C20orf96: variants seen among roughly 807,000 people sequenced by gnomAD.
The protein encoded by C20orf96 is chromosome 20 open reading frame 96, also known as uncharacterized protein C20orf96.
C20orf96 carries 57 observed loss-of-function variants against 52.6 expected under a neutral mutation model. The ratio of observed to expected loss-of-function variants is 1.08; its 90% CI spans 0.88 to 1.35. C20orf96 has a LOEUF of 1.35. Among genes scored for constraint, C20orf96 ranks in the 40% most tolerant of loss-of-function variants. C20orf96 has a pLI of 0.00. For missense variants in C20orf96, 478 were observed against 443.6 expected, an observed-to-expected ratio of 1.08 and a Z score of -0.70; for synonymous variants, 168 against 157.2, an observed-to-expected ratio of 1.07 and a Z score of -0.51.
At chr20:287,373 T>G (rs1033696249) in intron 3 of C20orf96, among the ~76,000 whole-genome samples, 2 of 152,194 alleles carry the variant, frequency 1.3e-5, no homozygotes, top group African/African-American at 4.8e-5. Flanking sequence ...AGGTGTGCAG[T>G]GATATCTCAC....
At chr20:272,576 G>A (rs1055244605) in intron 10 of C20orf96, among the ~76,000 whole-genome samples, 7 of 151,972 alleles carry the variant, frequency 4.6e-5, no homozygotes, top group Non-Finnish European at 7.4e-5. Flanking sequence ...CCCTGGTCTC[G>A]AACTCCCAGC....
At chr20:280,018 G>A (rs1396100576) in intron 4 of C20orf96, among the ~76,000 whole-genome samples, 1 of 152,078 alleles carries the variant, frequency 6.6e-6, no homozygotes, top group Admixed American at 6.6e-5. Context: ...GAAGGTGGCA[G>A]AGCGACCGCC....
At chr20:276,767 G>A (rs1172816777) in intron 9 of C20orf96, 26 bp downstream of exon 9, 1 of 1,606,064 alleles carries the variant, frequency 6.2e-7, no homozygotes, top group Non-Finnish European at 8.5e-7. Context: ...TCCCTACAGG[G>A]ACCACCACCT....
intron 3 of C20orf96, among the ~76,000 whole-genome samples, chr20:288,282 C>T (rs1258018893): frequency 6.9e-6 from 1 of 144,344 alleles, no homozygotes; most frequent in Admixed American, 7.1e-5. Context: ...TTCTGAAAAA[C>T]CCATTGGGAA....
chr20:290,563 A>T (rs1440445892), intron 1 of C20orf96, 28 bp downstream of exon 1: 87 of 1,309,156 alleles, frequency 6.6e-5, no homozygotes, highest in East Asian at 2.4e-4. Flanking sequence ...CTTTCTTCCA[A>T]TTTTTTTTTT....
intron 3 of C20orf96, among the ~76,000 whole-genome samples, chr20:287,257 G>T (rs145799913): frequency 2.1e-4 from 32 of 152,340 alleles, no homozygotes; most frequent in African/African-American, 7.5e-4. Context: ...TGTTTCCAGA[G>T]AGGCTGCATC....
intron 8 of C20orf96, 29 bp from the exon 9 acceptor site, chr20:276,908 A>G (rs375941915): frequency 1.2e-6 from 2 of 1,613,374 alleles, no homozygotes; most frequent in Non-Finnish European, 1.7e-6. Context: ...TCTGGCCCCC[A>G]GGTGCCTCTT....
At chr20:276,339 G>C (rs1340392776) in intron 9 of C20orf96, 1 of 985,268 alleles carries the variant, frequency 1.0e-6, no homozygotes. Flanking sequence ...AAGTGGCGGG[G>C]AATGCTCAAT....
intron 1 of C20orf96, 108 bp downstream of exon 1, chr20:290,483 G>A: frequency 6.8e-7 from 1 of 1,477,136 alleles, no homozygotes; most frequent in Non-Finnish European, 8.9e-7. Context: ...ACGGGGGTCA[G>A]AAGACCGAGG....
chr20:277,769 G>A (rs982573009), intron 6 of C20orf96, among the ~76,000 whole-genome samples: 14 of 150,792 alleles, frequency 9.3e-5, no homozygotes, highest in African/African-American at 2.2e-4. Flanking sequence ...ACCCATGGCA[G>A]GATTAAGACA....
rs866050929 is a variant in C20orf96 at position 279,073 on chromosome 20, A to C, written c.465+99T>G. The stretch of plus-strand genomic sequence containing the variant: ...GAGGGCGGGACGGAGGGAGGGAGGG[A>C]GGGAGGGACGGAGGGCGGGACGGAG... On this transcript the variant is annotated intron_variant, in intron 5 of 10. Transcript: ENST00000360321. 387 of 444,030 alleles carry C rather than the reference A, an allele frequency of 8.7e-4. 24 individuals carry two copies. The highest frequency in any genetic ancestry group is 8.0e-4 in the Middle Eastern group (1 of 1,252). 27.5% of individuals were successfully genotyped at this position (444,030 alleles called of 1,614,324 possible).
At chr20:281,434 C>A (rs2012252371) in intron 4 of C20orf96, among the ~76,000 whole-genome samples, 1 of 152,130 alleles carries the variant, frequency 6.6e-6, no homozygotes, top group Non-Finnish European at 1.5e-5. Context: ...GTCTCTGGCT[C>A]TAACCCTCTA....
chr20:272,649 C>A (rs536539108), intron 10 of C20orf96, among the ~76,000 whole-genome samples: 1 of 152,262 alleles, frequency 6.6e-6, no homozygotes, highest in Admixed American at 6.5e-5. Context: ...AGCCACCATG[C>A]CTGCCTCCAA....
intron 6 of C20orf96, among the ~76,000 whole-genome samples, chr20:278,083 TA>T (rs1268667311): frequency 6.6e-6 from 1 of 152,190 alleles, no homozygotes; most frequent in African/African-American, 2.4e-5. Flanking sequence ...TGCCTCCAAG[TA>T]GTTGCAATGA....
At chr20:279,102 C>CGGAGGGAG (rs750445498) in intron 5 of C20orf96, 70 bp downstream of exon 5, 18 of 609,598 alleles carry the variant, frequency 3.0e-5, no homozygotes, top group South Asian at 1.1e-4. Context: ...GACGGAGGGA[C>CGGAGGGAG]GGAGGGAGGG....
chr20:290,683 C>T lies in C20orf96; in HGVS notation c.-73G>A. 6.3e-7 allele frequency: 1 copy of T among 1,575,892 alleles called. No individual in the cohort carries two copies. Among genetic ancestry groups the T allele is most frequent in the African/African-American group, 1.4e-5 (1 of 71,990 alleles). On this transcript the variant is annotated 5_prime_UTR_variant, in exon 1 of 11. Transcript: ENST00000360321. ...TGGTATAACTACTCGGCTTTTCCAA[C>T]TTCCTTGTCTCAGTGTAGATCGCGC...
At position 290,734 on chromosome 20, in the gene C20orf96, C is replaced by G. The variant is rs115710276; in HGVS notation, c.-124G>C. 1.4e-3 allele frequency: 1,680 copies of G among 1,180,382 alleles called. 13 individuals carry two copies. The African/African-American group carries it at 0.02, about 14-fold the overall frequency. The allele number at this position is 1,180,382 out of a possible 1,614,324, so 73.1% of individuals were successfully genotyped here. A position where few individuals can be genotyped will look rare whatever the true frequency, so the allele number is the denominator to read the frequency against. On this transcript the variant is annotated 5_prime_UTR_variant, in exon 1 of 11. Transcript: ENST00000360321. ...GGTAACCCAGGCCACTCAGAAGTCC[C>G]GAGACCCGATGCTTTCGCCAGCGTC...
intron 4 of C20orf96, among the ~76,000 whole-genome samples, chr20:281,391 A>T (rs1362251410): frequency 1.3e-5 from 2 of 152,006 alleles, no homozygotes; most frequent in Admixed American, 1.3e-4. Flanking sequence ...GAGTGCACTC[A>T]TGTGCACTCA....
intron 4 of C20orf96, among the ~76,000 whole-genome samples, chr20:282,712 A>G (rs921549549): frequency 1.3e-5 from 2 of 152,152 alleles, no homozygotes; most frequent in African/African-American, 4.8e-5. Context: ...CTCTACTAAC[A>G]ATACAAAAAA....
Sources: gnomAD v4.1 joint callset for allele counts (sites outside exome capture counted in the v4.1 genomes callset) on GRCh38, gnomAD v4.1.1 for gene constraint, MANE v1.5 for transcripts, NCBI Gene and HGNC (gene_info 2026-07-23, HGNC 2026-07-21) for gene names.